The following ABCC3 variants were observed in gnomAD, a reference collection of about 807,000 sequenced individuals.
ABCC3 encodes ATP binding cassette subfamily C member 3.
ABCC3 carries 121 observed loss-of-function variants against 165.3 expected under a neutral mutation model. The ratio of observed to expected loss-of-function variants is 0.73; its 90% CI spans 0.63 to 0.85. ABCC3 has a LOEUF of 0.85. Ranked by LOEUF, ABCC3 falls within the 40% of genes least tolerant of loss-of-function variation. ABCC3 has a pLI of 0.00. For missense variants in ABCC3, 1,869 were observed against 1,964.1 expected, an observed-to-expected ratio of 0.95 and a Z score of 0.92; for synonymous variants, 733 against 810.1, an observed-to-expected ratio of 0.90 and a Z score of 1.62.
chr17:50,665,826 G>T (rs1242827916), intron 11 of ABCC3, among the ~76,000 whole-genome samples: 1 of 151,426 alleles, frequency 6.6e-6, no homozygotes, highest in African/African-American at 2.4e-5. Flanking sequence ...TGGCCAGGCT[G>T]GTCTCAAACT....
intron 26 of ABCC3, among the ~76,000 whole-genome samples, chr17:50,680,127 G>A (rs1045583419): frequency 6.6e-6 from 1 of 152,190 alleles, no homozygotes; most frequent in East Asian, 1.9e-4. Flanking sequence ...TTTGGTGGGA[G>A]GGGTAAGACC....
intron 19 of ABCC3, 44 bp downstream of exon 19, chr17:50,673,702 A>G (rs781720773): frequency 6.3e-7 from 1 of 1,592,374 alleles, no homozygotes; most frequent in South Asian, 1.1e-5. Context: ...CCTTCCCAGC[A>G]TTCCCCCTGT....
In ABCC3 at chr17:50,691,112, G is replaced by C; in HGVS notation, c.4496G>C (p.Gly1499Ala). 6.2e-7 allele frequency: 1 copy of C among 1,614,102 alleles called. No homozygotes were observed. Among genetic ancestry groups the C allele is most frequent in the Non-Finnish European group, 8.5e-7 (1 of 1,179,938 alleles). Reference sequence around the variant, plus strand: ...ACTAGGGTCCTGGTCCTGGACAAAGGAGTAGTAGCTGAATTTGATTCTCCA... The same window carrying C: ...ACTAGGGTCCTGGTCCTGGACAAAGCAGTAGTAGCTGAATTTGATTCTCCA... ...DYTRVLVLDKGVVAEFDSPAN... is the reference protein window; with the variant it reads ...DYTRVLVLDKAVVAEFDSPAN... Residue 1499 changes from glycine (G) to alanine (A), a missense_variant, in exon 31 of 31, where the codon GGA (glycine) becomes GCA (alanine). Gly to Ala is a moderately conservative substitution (Grantham distance 60). Coordinates refer to ENST00000285238, the MANE Select transcript of ABCC3 (RefSeq NM_003786.4).
At position 50,691,327 on chromosome 17, in the gene ABCC3, AGTGCCTTACAGGGTAACT is replaced by A; in HGVS notation, c.*132_*149del. ...GCACCTTAAGATTTTGCACCTGTAA[AGTGCCTTACAGGGTAACT>A]GTGCTGAATGCTTTAGATGAGGAAA... On this transcript the variant is annotated 3_prime_UTR_variant, in exon 31 of 31. Coordinates refer to ENST00000285238, the MANE Select transcript of ABCC3 (RefSeq NM_003786.4). The A allele has an allele frequency of 1.4e-6, 1 of 692,118 alleles. No homozygotes were observed. Among genetic ancestry groups the A allele is most frequent in the East Asian group, 2.8e-5 (1 of 35,736 alleles). 42.9% of individuals were successfully genotyped at this position (692,118 alleles called of 1,614,324 possible). A position where few individuals can be genotyped will look rare whatever the true frequency, so the allele number is the denominator to read the frequency against.
intron 8 of ABCC3, among the ~76,000 whole-genome samples, chr17:50,661,571 A>G (rs1967388801): frequency 6.6e-6 from 1 of 152,166 alleles, no homozygotes; most frequent in Non-Finnish European, 1.5e-5. Flanking sequence ...CTTGGACTAG[A>G]ACGAGCTCTC....
chr17:50,677,941 CCGGT>C lies in ABCC3; in HGVS notation c.3578_3578+3del. On this transcript the variant is annotated splice_donor_variant and coding_sequence_variant, in exon 24 of 31. Coordinates refer to ENST00000285238, the MANE Select transcript of ABCC3 (RefSeq NM_003786.4). LOFTEE classifies it high-confidence loss of function. ...GCTGCTACCCCTACATCATCTCCAACCGGTCAGAAGCCGCCTCCCTCGCTCCCTG... is the reference window on the plus strand; with the variant it reads ...GCTGCTACCCCTACATCATCTCCAACCAGAAGCCGCCTCCCTCGCTCCCTG... 1 of 1,614,168 alleles carries C rather than the reference CCGGT, an allele frequency of 6.2e-7. No homozygotes were observed. Among genetic ancestry groups the C allele is most frequent in the South Asian group, 1.1e-5 (1 of 91,074 alleles).
At chr17:50,638,992 G>A (rs2054203209) in intron 1 of ABCC3, among the ~76,000 whole-genome samples, 1 of 152,200 alleles carries the variant, frequency 6.6e-6, no homozygotes, top group Admixed American at 6.5e-5. Context: ...CTGGGTATCA[G>A]GGTCTCCTCT....
At chr17:50,669,552 A>C in intron 17 of ABCC3, 24 bp downstream of exon 17, 1 of 1,611,988 alleles carries the variant, frequency 6.2e-7, no homozygotes, top group East Asian at 2.2e-5. Context: ...TTCCATCCCT[A>C]AGAGGCTAGG....
intron 29 of ABCC3, among the ~76,000 whole-genome samples, chr17:50,686,771 G>A (rs772129483): frequency 3.9e-5 from 6 of 152,108 alleles, no homozygotes; most frequent in Admixed American, 6.5e-5. Flanking sequence ...TCTATCCGGC[G>A]GCTTATTCTG....
chr17:50,637,303 A>G (rs1283366143), intron 1 of ABCC3, among the ~76,000 whole-genome samples: 1 of 152,152 alleles, frequency 6.6e-6, no homozygotes, highest in Non-Finnish European at 1.5e-5. Flanking sequence ...TCATCCTCTG[A>G]GGGAATGACA....
chr17:50,669,376 C>T lies in ABCC3; in HGVS notation c.2089C>T (p.Gln697Ter), dbSNP rs760370500. ...GGGCTCCGTGGCCTATGTGCCCCAG[C>T]AGGCATGGATCCAGAACTGCACTCT... ...MKGSVAYVPQ[Q>*]AWIQNCTLQE... Residue 697 changes from glutamine (Q) to a stop codon, truncating the protein, a stop_gained, in exon 17 of 31, where the codon CAG (glutamine) becomes TAG (stop). Coordinates refer to ENST00000285238, the MANE Select transcript of ABCC3 (RefSeq NM_003786.4). LOFTEE classifies it high-confidence loss of function. 6.8e-6 allele frequency: 11 copies of T among 1,614,248 alleles called. No individual in the cohort carries two copies. Among genetic ancestry groups the T allele is most frequent in the Non-Finnish European group, 9.3e-6 (11 of 1,180,034 alleles).
chr17:50,657,146 T>C lies in ABCC3; in HGVS notation c.449T>C (p.Val150Ala), dbSNP rs1290040324. Residue 150 changes from valine (V) to alanine (A), a missense_variant, in exon 4 of 31, where the codon GTC becomes GCC. Val to Ala is a moderately conservative substitution (Grantham distance 64, BLOSUM62 0). Transcript: ENST00000285238. ...TTCCTGTGTGTGGTCTGCGCCATCG[T>C]CCCATTCCGCTCCAAGATCCTTTTA... The part of the protein sequence containing the change: ...FWFLCVVCAI[V>A]PFRSKILLAK... 2 of 1,613,986 alleles carry C rather than the reference T, an allele frequency of 1.2e-6. No homozygotes were observed. Among genetic ancestry groups the C allele is most frequent in the Non-Finnish European group, 1.7e-6 (2 of 1,180,016 alleles).
intron 6 of ABCC3, 117 bp downstream of exon 6, chr17:50,658,613 A>T: frequency 8.9e-7 from 1 of 1,129,254 alleles, no homozygotes; most frequent in Non-Finnish European, 1.3e-6. Context: ...CCCACCCCCC[A>T]CCGCAGTGGG....
In ABCC3 at chr17:50,655,967, C is replaced by T. The variant is rs774985556; in HGVS notation, c.181C>T (p.Arg61Cys). ...CTTGCTCTACCTGCGGCACCATTGT[C>T]GTGGCTACATCATCCTCTCCCACCT... ...CYLLYLRHHC[R>C]GYIILSHLSK... Residue 61 changes from arginine to cysteine, a missense_variant, in exon 2 of 31, where the codon CGT becomes TGT. Arg to Cys is a radical substitution (Grantham distance 180). Transcript: ENST00000285238. 12 of 1,614,000 alleles carry T rather than the reference C, an allele frequency of 7.4e-6. No individual in the cohort carries two copies. The East Asian group carries it at 1.3e-4, about 18-fold the overall frequency.
chr17:50,649,004 CG>C (rs1345098094), intron 1 of ABCC3, among the ~76,000 whole-genome samples: 8 of 151,384 alleles, frequency 5.3e-5, no homozygotes, highest in African/African-American at 1.9e-4. Flanking sequence ...CCCAGCTACT[CG>C]GGAGGCTGAG....
intron 8 of ABCC3, among the ~76,000 whole-genome samples, chr17:50,661,663 G>A (rs138794984): frequency 1.3e-5 from 2 of 152,336 alleles, no homozygotes; most frequent in East Asian, 3.9e-4. Flanking sequence ...AATTTGTTCA[G>A]CAAACATTTA....
At chr17:50,661,136 C>G (rs1349302037) in intron 8 of ABCC3, 22 bp downstream of exon 8, 1 of 1,589,874 alleles carries the variant, frequency 6.3e-7, no homozygotes, top group East Asian at 2.3e-5. Context: ...CTCCGGCTCA[C>G]TATAGCCCTG....
intron 1 of ABCC3, among the ~76,000 whole-genome samples, chr17:50,653,359 A>G (rs560914945): frequency 6.4e-4 from 97 of 150,882 alleles, no homozygotes; most frequent in South Asian, 1.7e-3. Flanking sequence ...AAAAAAAAAA[A>G]AAAAGAAAAA....
At chr17:50,653,759 A>G (rs1467423806) in intron 1 of ABCC3, among the ~76,000 whole-genome samples, 1 of 37,922 alleles carries the variant, frequency 2.6e-5, no homozygotes, top group Non-Finnish European at 7.9e-5. Context: ...ATCTCAAAAG[A>G]AAAAAAAAAA....
Sources: allele counts gnomAD v4.1 joint callset (sites outside exome capture counted in the v4.1 genomes callset), GRCh38; gene constraint gnomAD v4.1.1; transcripts MANE v1.5; gene names NCBI Gene and HGNC (gene_info 2026-07-23, HGNC 2026-07-21).